Variants in ANKS1B observed in about 807,000 individuals in gnomAD.
ANKS1B encodes ankyrin repeat and sterile alpha motif domain-containing protein 1B.
A neutral mutation model predicts 148.3 loss-of-function variants in ANKS1B; 36 were observed. The observed-to-expected ratio is 0.24, with a 90% CI of 0.19 to 0.32. The LOEUF (loss-of-function observed/expected upper bound fraction) is 0.32. Among genes scored for constraint, ANKS1B ranks in the 10% least tolerant of loss-of-function variants. The pLI, the probability that ANKS1B is intolerant of heterozygous loss-of-function variation, is 1.00. For synonymous variants in ANKS1B, 542 were observed against 560.8 expected (o/e 0.97, Z 0.47); for missense variants, 1,157 against 1,542.6 (o/e 0.75, Z 4.19).
At chr12:99,921,844 T>C (rs1463297527) in intron 1 of ANKS1B, among the ~76,000 whole-genome samples, 2 of 152,158 alleles carry the variant, frequency 1.3e-5, no homozygotes, top group African/African-American at 4.8e-5. Context: ...AAATTAGTAA[T>C]ATAAAAATAT....
At chr12:99,799,321 G>A (rs1244682642) in intron 4 of ANKS1B, among the ~76,000 whole-genome samples, 1 of 151,890 alleles carries the variant, frequency 6.6e-6, no homozygotes, top group Non-Finnish European at 1.5e-5. Context: ...CTATCTCATG[G>A]CTTCATCTCT....
intron 1 of ANKS1B, among the ~76,000 whole-genome samples, chr12:99,883,618 G>C (rs962771319): frequency 1.1e-5 from 1 of 89,720 alleles, no homozygotes; most frequent in Non-Finnish European, 2.6e-5. Context: ...ACTTGGGGCA[G>C]GGGGGAATCT....
chr12:99,836,451 A>T (rs1393902341), intron 1 of ANKS1B, among the ~76,000 whole-genome samples: 1 of 152,174 alleles, frequency 6.6e-6, no homozygotes. Context: ...CTGATGAATA[A>T]TGTGCACCTT....
chr12:99,228,407 GTCAA>G (rs928344176), intron 14 of ANKS1B, among the ~76,000 whole-genome samples: 4 of 117,324 alleles, frequency 3.4e-5, no homozygotes, highest in African/African-American at 1.2e-4. Flanking sequence ...AACAATATTT[GTCAA>G]TCTATCTATC....
intron 1 of ANKS1B, among the ~76,000 whole-genome samples, chr12:99,970,872 A>G (rs1194197477): frequency 6.6e-6 from 1 of 152,082 alleles, no homozygotes; most frequent in African/African-American, 2.4e-5. Context: ...ATTATTTGGT[A>G]TTTCCATTGC....
At chr12:99,185,413 T>C (rs1192268759) in intron 14 of ANKS1B, among the ~76,000 whole-genome samples, 1 of 152,204 alleles carries the variant, frequency 6.6e-6, no homozygotes, top group East Asian at 1.9e-4. Context: ...TTGGTTTGTG[T>C]TCTACTGGGA....
chr12:98,737,262 GTTTAAACCC>G (rs2153348995), intron 9 of ANKS1B, among the ~76,000 whole-genome samples: 1 of 152,262 alleles, frequency 6.6e-6, no homozygotes, highest in South Asian at 2.1e-4. Flanking sequence ...TTACACTTCT[GTTTAAACCC>G]TGGACCTGCT....
chr12:99,746,524 T>C (rs752365929), intron 8 of ANKS1B, among the ~76,000 whole-genome samples: 1 of 152,216 alleles, frequency 6.6e-6, no homozygotes, highest in Non-Finnish European at 1.5e-5. Context: ...GAATTTTTTC[T>C]ACCTCTTCAT....
At chr12:98,764,050 T>G (rs1188998882) in intron 25 of ANKS1B, among the ~76,000 whole-genome samples, 1 of 152,210 alleles carries the variant, frequency 6.6e-6, no homozygotes, top group Non-Finnish European at 1.5e-5. Flanking sequence ...CCAGCAGCCC[T>G]GTCACACCCA....
intron 15 of ANKS1B, among the ~76,000 whole-genome samples, chr12:99,112,127 G>A (rs573825040): frequency 6.6e-6 from 1 of 152,024 alleles, no homozygotes; most frequent in Non-Finnish European, 1.5e-5. Context: ...GGAAGTAAAG[G>A]CCCGTGCAAT....
At chr12:99,948,238 T>C (rs1043689584) in intron 1 of ANKS1B, among the ~76,000 whole-genome samples, 1 of 151,898 alleles carries the variant, frequency 6.6e-6, no homozygotes, top group Non-Finnish European at 1.5e-5. Flanking sequence ...GAAAAGACCT[T>C]GAAGAAGATT....
chr12:99,637,772 C>G (rs1294404451), intron 9 of ANKS1B, among the ~76,000 whole-genome samples: 9 of 147,736 alleles, frequency 6.1e-5, no homozygotes. Context: ...GTTTAACACT[C>G]CTTAATAAAC....
intron 15 of ANKS1B, among the ~76,000 whole-genome samples, chr12:99,141,827 C>T (rs568110570): frequency 8.5e-5 from 13 of 152,084 alleles, no homozygotes; most frequent in African/African-American, 3.1e-4. Flanking sequence ...TCCAGTCTAT[C>T]ATTGATAGGC....
intron 14 of ANKS1B, among the ~76,000 whole-genome samples, chr12:99,224,698 G>A (rs189755665): frequency 2.0e-5 from 3 of 152,212 alleles, no homozygotes; most frequent in Admixed American, 2.0e-4. Flanking sequence ...TTTCTTTATA[G>A]CAGTGAGAGA....
intron 9 of ANKS1B, among the ~76,000 whole-genome samples, chr12:99,561,267 T>G (rs2097333605): frequency 6.6e-6 from 1 of 152,238 alleles, no homozygotes; most frequent in Non-Finnish European, 1.5e-5. Flanking sequence ...GCAGAACTTC[T>G]TTCAAAATCG....
At chr12:98,919,259 A>T (rs1158841808) in intron 17 of ANKS1B, among the ~76,000 whole-genome samples, 1 of 152,180 alleles carries the variant, frequency 6.6e-6, no homozygotes, top group Non-Finnish European at 1.5e-5. Context: ...GTACTAAATT[A>T]AAAAAGAGGA....
At chr12:99,871,281 G>A (rs2091479467) in intron 1 of ANKS1B, among the ~76,000 whole-genome samples, 1 of 152,072 alleles carries the variant, frequency 6.6e-6, no homozygotes, top group Non-Finnish European at 1.5e-5. Context: ...GTCTGTTTTT[G>A]TTCTAGTACC....
chr12:99,824,687 A>G (rs2082946455), intron 2 of ANKS1B, among the ~76,000 whole-genome samples: 1 of 152,138 alleles, frequency 6.6e-6, no homozygotes, highest in South Asian at 2.1e-4. Context: ...CTAAACCATT[A>G]GGATACCTAG....
chr12:99,156,938 C>A (rs535295972), intron 14 of ANKS1B, among the ~76,000 whole-genome samples: 1 of 152,252 alleles, frequency 6.6e-6, no homozygotes, highest in South Asian at 2.1e-4. Flanking sequence ...AAAGTTTTAA[C>A]TCTATCCCAA....
Sources: allele counts gnomAD v4.1 joint callset (sites outside exome capture counted in the v4.1 genomes callset), GRCh38; gene constraint gnomAD v4.1.1; transcripts MANE v1.5; gene names NCBI Gene and HGNC (gene_info 2026-07-23, HGNC 2026-07-21).